The following LIG1 variants were observed in gnomAD, a reference collection of about 807,000 sequenced individuals.
LIG1 encodes the protein DNA ligase 1, also known as ligase I, DNA, ATP-dependent.
Under a neutral mutation model 115.7 loss-of-function variants are expected in LIG1, and 70 were observed. The observed-to-expected ratio is 0.60, with a 90% confidence interval of 0.50 to 0.74. The LOEUF (loss-of-function observed/expected upper bound fraction) is 0.74. LIG1 is among the 30% of genes least tolerant of loss of function. LIG1 has a pLI of 0.00. For missense variants in LIG1, 1,115 were observed against 1,225.6 expected, an observed-to-expected ratio of 0.91 and a Z score of 1.35; for synonymous variants, 487 against 495.3, an observed-to-expected ratio of 0.98 and a Z score of 0.22.
chr19:48,130,269 CCTCTCTCTGTCA>C (rs1471771790), intron 19 of LIG1, among the ~76,000 whole-genome samples: 1 of 152,154 alleles, frequency 6.6e-6, no homozygotes, highest in Non-Finnish European at 1.5e-5. Context: ...CTGAACTGTG[CCTCTCTCTGTCA>C]CTGTCTCTAA....
At position 48,117,745 on chromosome 19, in the gene LIG1, T is replaced by G; in HGVS notation, c.2476A>C (p.Ile826Leu). Residue 826 changes from isoleucine to leucine, a missense_variant, in exon 26 of 28, where the codon ATA becomes CTA. Coordinates refer to ENST00000263274, the MANE Select transcript of LIG1 (RefSeq NM_000234.3). ...VLPSPRPYVR[I>L]DGAVIPDHWL... ...TGGTCGGGAATCACAGCGCCATCTA[T>G]CCGCACGTAAGGGCGTGGGCTGGGC... 6.2e-7 allele frequency: 1 copy of G among 1,613,102 alleles called. No homozygotes were observed. Among genetic ancestry groups the G allele is most frequent in the Non-Finnish European group, 8.5e-7 (1 of 1,179,822 alleles).
intron 6 of LIG1, 91 bp from the exon 7 acceptor site, chr19:48,151,430 C>T: frequency 1.2e-6 from 1 of 832,390 alleles, no homozygotes; most frequent in Non-Finnish European, 2.1e-6. Flanking sequence ...CCTCATCTGT[C>T]ATCTGTTCTT....
intron 17 of LIG1, 121 bp downstream of exon 17, chr19:48,133,860 G>A (rs758265975): frequency 1.5e-5 from 12 of 798,796 alleles, no homozygotes; most frequent in East Asian, 2.7e-5. Flanking sequence ...GGAGCATTTG[G>A]TTTTGGTGGG....
intron 17 of LIG1, among the ~76,000 whole-genome samples, chr19:48,133,731 G>A (rs2034193933): frequency 6.6e-6 from 1 of 152,150 alleles, no homozygotes; most frequent in African/African-American, 2.4e-5. Context: ...GAGTAGCTGG[G>A]ATCACAGGCA....
chr19:48,137,360 C>A lies in LIG1; in HGVS notation c.1254+162G>T, dbSNP rs956345295. 6.6e-6 allele frequency among the ~76,000 whole-genome samples: 1 copy of A among 152,190 alleles called. No individual in the cohort carries two copies. The highest frequency in any genetic ancestry group is 1.5e-5 in the Non-Finnish European group (1 of 68,034). On this transcript the variant is annotated intron_variant, in intron 13 of 27. Transcript: ENST00000263274. This position sits in a 1 kb window ranked among gnomAD's most constrained non-coding sequence, Gnocchi z 4.3. ...TCTGCTAGACTCTGAAGAGGAGACT[C>A]CCCTAGGATTGGGTGCAGGAAGGAG...
intron 4 of LIG1, 57 bp downstream of exon 4, chr19:48,161,315 A>C: frequency 6.2e-7 from 1 of 1,611,672 alleles, no homozygotes; most frequent in South Asian, 1.1e-5. Flanking sequence ...CTCTGTTCCA[A>C]AGGTTAATGG....
chr19:48,160,033 G>A (rs1055977942), intron 4 of LIG1, among the ~76,000 whole-genome samples: 7 of 152,138 alleles, frequency 4.6e-5, no homozygotes, highest in African/African-American at 1.7e-4. Flanking sequence ...TTTGAAAACG[G>A]AGAAAAGGGG....
At chr19:48,149,641 T>C in intron 9 of LIG1, 122 bp downstream of exon 9, 1 of 778,712 alleles carries the variant, frequency 1.3e-6, no homozygotes, top group East Asian at 2.7e-5. Flanking sequence ...TCTCTGGCTC[T>C]TTATAGAAAA....
intron 24 of LIG1, 35 bp from the exon 25 acceptor site, chr19:48,119,225 C>CA (rs1246512512): frequency 1.3e-6 from 2 of 1,551,830 alleles, no homozygotes; most frequent in African/African-American, 2.7e-5. Flanking sequence ...GAGGCTCAGC[C>CA]AGCCACAGGC....
chr19:48,167,859 AAAG>A (rs1176646076), intron 1 of LIG1, among the ~76,000 whole-genome samples: 6 of 151,766 alleles, frequency 4.0e-5, no homozygotes, highest in African/African-American at 1.5e-4. Flanking sequence ...AACAAACAAA[AAAG>A]AAACTCAGCA....
At chr19:48,134,804 C>G (rs1322372420) in intron 16 of LIG1, among the ~76,000 whole-genome samples, 1 of 152,278 alleles carries the variant, frequency 6.6e-6, no homozygotes, top group Admixed American at 6.5e-5. Context: ...GGCCTGTTCA[C>G]CACTCTCTGC....
chr19:48,120,491 A>C, intron 24 of LIG1: 1 of 985,388 alleles, frequency 1.0e-6, no homozygotes, highest in East Asian at 1.1e-4. Flanking sequence ...AAAGACCCAA[A>C]TTTGTTGGAG....
chr19:48,136,054 C>T lies in LIG1; in HGVS notation c.1403G>A (p.Ser468Asn), dbSNP rs2034367222. 1.3e-6 allele frequency: 2 copies of T among 1,568,316 alleles called. No individual in the cohort carries two copies. Among genetic ancestry groups the T allele is most frequent in the Admixed American group, 1.9e-5 (1 of 53,958 alleles). ...CTCACCTTGGCCCGGGGGCGTGAGG[C>T]TCACTGCCTGGGAGAGGGCAGCCAG... ...SVLAALSQAV[S>N]LTPPGQEFPP... The change falls in exon 15 of 28, where the codon AGC (serine) becomes AAC (asparagine). Residue 468 changes from serine (S) to asparagine (N), a missense_variant. By Grantham distance (46) the Ser-to-Asn change is conservative. Coordinates refer to ENST00000263274, the MANE Select transcript of LIG1 (RefSeq NM_000234.3).
rs1278121981 is a variant in LIG1, at chr19:48,134,326, C to T, written c.1524-260G>A. Reference sequence around the variant, plus strand: ...ACCAGCGATTCTCTACTCGGCTACACAGGAGACCACTCAAGAATACAGTTT... The same window carrying T: ...ACCAGCGATTCTCTACTCGGCTACATAGGAGACCACTCAAGAATACAGTTT... On this transcript the variant is annotated intron_variant, in intron 16 of 27. Coordinates refer to ENST00000263274, the MANE Select transcript of LIG1 (RefSeq NM_000234.3). 3.9e-5 allele frequency among the ~76,000 whole-genome samples: 6 copies of T among 152,206 alleles called. No homozygotes were observed. In the East Asian group the frequency reaches 1.2e-3, roughly 29 times the overall value.
chr19:48,131,267 G>A, intron 18 of LIG1, 96 bp from the exon 19 acceptor site: 1 of 863,810 alleles, frequency 1.2e-6, no homozygotes, highest in Non-Finnish European at 1.9e-6. Context: ...AGAAGGTTCT[G>A]GAAGCTCTGG....
intron 5 of LIG1, among the ~76,000 whole-genome samples, chr19:48,154,829 G>A (rs3730888): frequency 0.021 from 3,261 of 152,228 alleles, 106 homozygotes; most frequent in African/African-American, 0.074. Flanking sequence ...GTCTCTCCCT[G>A]CTCAAAACCC....
rs76438584 is a variant in LIG1, at chr19:48,164,932, A to G, written c.17+618T>C. Among the ~76,000 whole-genome samples the G allele has an allele frequency of 4.2e-3, 646 of 152,302 alleles. 10 individuals carry two copies. Among genetic ancestry groups the G allele is most frequent in the African/African-American group, 0.015 (610 of 41,560 alleles). On this transcript the variant is annotated intron_variant, in intron 2 of 27. Coordinates refer to ENST00000263274, the MANE Select transcript of LIG1 (RefSeq NM_000234.3). ...TTTTAGCCACTAGATGCCAATGGCA[A>G]ACCCTCTGTCCCTAGGTTGTAACAA...
At chr19:48,142,361 T>G (rs1335406365) in intron 11 of LIG1, among the ~76,000 whole-genome samples, 1 of 147,016 alleles carries the variant, frequency 6.8e-6, no homozygotes, top group African/African-American at 2.5e-5. Context: ...GAGAATGGTG[T>G]GAACCTGGGA....
intron 25 of LIG1, among the ~76,000 whole-genome samples, chr19:48,118,699 C>T (rs564594655): frequency 3.9e-5 from 6 of 152,090 alleles, no homozygotes; most frequent in South Asian, 2.1e-4. Flanking sequence ...CCACCACGCC[C>T]GGCAAGTCTT....
Sources: allele counts gnomAD v4.1 joint callset (sites outside exome capture counted in the v4.1 genomes callset), GRCh38; gene constraint gnomAD v4.1.1; non-coding constraint Gnocchi (gnomAD v3.1); transcripts MANE v1.5; gene names NCBI Gene and HGNC (gene_info 2026-07-23, HGNC 2026-07-21).